The following IQGAP2 variants were observed in gnomAD, a reference collection of about 807,000 sequenced individuals.
IQGAP2 encodes ras GTPase-activating-like protein IQGAP2.
IQGAP2 carries 173 observed loss-of-function variants against 201.3 expected under a neutral mutation model. The observed-to-expected ratio is 0.86, with a 90% CI of 0.76 to 0.98. The LOEUF is 0.98. IQGAP2 is among the 50% of genes least tolerant of loss of function. IQGAP2 has a pLI of 0.00. For synonymous variants in IQGAP2, 675 were observed against 673.9 expected (o/e 1.00, Z -0.03); for missense variants, 1,687 against 1,864.8 (o/e 0.90, Z 1.76).
At chr5:76,509,580 G>C (rs1757832207) in intron 2 of IQGAP2, among the ~76,000 whole-genome samples, 1 of 151,958 alleles carries the variant, frequency 6.6e-6, no homozygotes, top group African/African-American at 2.4e-5. Flanking sequence ...ATTTTTAGTA[G>C]AGATGGGGTT....
intron 33 of IQGAP2, among the ~76,000 whole-genome samples, chr5:76,699,934 T>A (rs1747199060): frequency 7.9e-6 from 1 of 126,512 alleles, no homozygotes; most frequent in African/African-American, 3.0e-5. Context: ...TCTCTCTCTC[T>A]CTCTCTCTCA....
At chr5:76,657,653 A>C (rs1231921851) in intron 20 of IQGAP2, among the ~76,000 whole-genome samples, 1 of 152,196 alleles carries the variant, frequency 6.6e-6, no homozygotes, top group East Asian at 1.9e-4. Context: ...TGGACCAGAC[A>C]ATTTATTCTT....
rs1402102271 is a variant in IQGAP2, at chr5:76,547,821, G to T, written c.147-14575G>T. Among the ~76,000 whole-genome samples, 6 of 152,304 alleles carry T rather than the reference G, an allele frequency of 3.9e-5. No individual in the cohort carries two copies. The East Asian group carries it at 1.2e-3, about 29-fold the overall frequency. On this transcript the variant is annotated intron_variant, in intron 2 of 35. Transcript: ENST00000274364. ...AGCAAGTTCTAGGGAAGGCAGGTTGGCAGAGTCCCATTTTTGAGCTCAGTT... is the reference window on the plus strand; with the variant it reads ...AGCAAGTTCTAGGGAAGGCAGGTTGTCAGAGTCCCATTTTTGAGCTCAGTT...
At chr5:76,520,770 C>T (rs1425765395) in intron 2 of IQGAP2, among the ~76,000 whole-genome samples, 2 of 145,294 alleles carry the variant, frequency 1.4e-5, no homozygotes, top group African/African-American at 5.2e-5. Context: ...GTGAGTGGCA[C>T]GATCTCGGCT....
intron 1 of IQGAP2, among the ~76,000 whole-genome samples, chr5:76,406,001 T>C (rs1473109139): frequency 6.6e-6 from 1 of 152,170 alleles, no homozygotes; most frequent in Non-Finnish European, 1.5e-5. Flanking sequence ...TAAACACAAC[T>C]TTTTGGTAGT....
At chr5:76,616,259 T>C in intron 13 of IQGAP2, 1 of 152,382 alleles carries the variant, frequency 6.6e-6, no homozygotes, top group Non-Finnish European at 1.5e-5. Flanking sequence ...TTCAAGGACT[T>C]GAAAAAATGA....
chr5:76,447,383 T>TA (rs750041613), intron 1 of IQGAP2, among the ~76,000 whole-genome samples: 4 of 152,184 alleles, frequency 2.6e-5, no homozygotes, highest in Non-Finnish European at 4.4e-5. Flanking sequence ...GATCGGGATA[T>TA]AAACCTGGGC....
chr5:76,675,093 G>A (rs553318553), intron 27 of IQGAP2, among the ~76,000 whole-genome samples: 84 of 152,212 alleles, frequency 5.5e-4, no homozygotes, highest in Non-Finnish European at 8.1e-4. Flanking sequence ...AAAGTTTTCC[G>A]GTGAGGAAGA....
chr5:76,531,365 C>G (rs1759280696), intron 2 of IQGAP2, among the ~76,000 whole-genome samples: 1 of 152,166 alleles, frequency 6.6e-6, no homozygotes, highest in Non-Finnish European at 1.5e-5. Flanking sequence ...CCCCTAGGCT[C>G]AAGCAATCCA....
chr5:76,487,564 T>A (rs1400339417), intron 2 of IQGAP2, among the ~76,000 whole-genome samples: 1 of 152,240 alleles, frequency 6.6e-6, no homozygotes, highest in East Asian at 1.9e-4. Context: ...AAGTGGATAT[T>A]GGAGTCTAGC....
chr5:76,415,054 G>GCAAATAATC (rs1751335656), intron 1 of IQGAP2, among the ~76,000 whole-genome samples: 1 of 152,338 alleles, frequency 6.6e-6, no homozygotes, highest in East Asian at 1.9e-4. Context: ...AGAAGGTTAT[G>GCAAATAATC]CAAATAATCT....
intron 5 of IQGAP2, among the ~76,000 whole-genome samples, chr5:76,584,460 C>T (rs993601623): frequency 2.6e-5 from 4 of 152,122 alleles, no homozygotes; most frequent in Non-Finnish European, 5.9e-5. Flanking sequence ...GCCCACAAAA[C>T]GCTGGGGGTT....
chr5:76,539,000 T>A (rs1196042869), intron 2 of IQGAP2, among the ~76,000 whole-genome samples: 1 of 152,216 alleles, frequency 6.6e-6, no homozygotes, highest in Non-Finnish European at 1.5e-5. Context: ...GGGCTGTGTT[T>A]GGCTTTACCT....
At chr5:76,522,789 A>G (rs1011921001) in intron 2 of IQGAP2, among the ~76,000 whole-genome samples, 2 of 152,214 alleles carry the variant, frequency 1.3e-5, no homozygotes, top group African/African-American at 4.8e-5. Flanking sequence ...TGTGCCTTGG[A>G]CACTCAATAC....
intron 30 of IQGAP2, among the ~76,000 whole-genome samples, chr5:76,688,682 T>A (rs767161558): frequency 2.0e-5 from 3 of 152,172 alleles, no homozygotes; most frequent in Non-Finnish European, 4.4e-5. Flanking sequence ...ATAAAAAATC[T>A]GAAACACTTT....
chr5:76,584,073 A>T (rs1316105022), intron 5 of IQGAP2, among the ~76,000 whole-genome samples: 1 of 152,086 alleles, frequency 6.6e-6, no homozygotes, highest in Non-Finnish European at 1.5e-5. Context: ...GGGTTTCACC[A>T]TGTTGACCAG....
At chr5:76,519,268 GT>G (rs1758527481) in intron 2 of IQGAP2, among the ~76,000 whole-genome samples, 1 of 152,094 alleles carries the variant, frequency 6.6e-6, no homozygotes, top group Admixed American at 6.5e-5. Flanking sequence ...CTGATCTATG[GT>G]TTTACTTTTT....
chr5:76,447,885 G>A (rs533705152), intron 1 of IQGAP2, among the ~76,000 whole-genome samples: 5 of 152,298 alleles, frequency 3.3e-5, no homozygotes, highest in African/African-American at 1.2e-4. Flanking sequence ...AAAAGGGTGA[G>A]ACAGACATGA....
At chr5:76,691,172 A>T (rs1041797549) in intron 30 of IQGAP2, among the ~76,000 whole-genome samples, 2 of 152,288 alleles carry the variant, frequency 1.3e-5, no homozygotes, top group East Asian at 3.9e-4. Flanking sequence ...CTGGATGGTT[A>T]CTTATGTCTG....
Sources: allele counts gnomAD v4.1 joint callset (sites outside exome capture counted in the v4.1 genomes callset), GRCh38; gene constraint gnomAD v4.1.1; transcripts MANE v1.5; gene names NCBI Gene and HGNC (gene_info 2026-07-23, HGNC 2026-07-21).